SH3GL2: variants seen among roughly 807,000 people sequenced by gnomAD.
The protein encoded by SH3GL2 is endophilin-A1.
A neutral mutation model predicts 46.0 loss-of-function variants in SH3GL2; 24 were observed. That is an observed-to-expected ratio of 0.52 (90% CI 0.38 to 0.73). The LOEUF (loss-of-function observed/expected upper bound fraction) is 0.73. SH3GL2 is among the 30% of genes least tolerant of loss of function. SH3GL2 has a pLI of 0.00. For synonymous variants in SH3GL2, 196 were observed against 147.1 expected (o/e 1.33, Z -2.40); for missense variants, 413 against 424.2 (o/e 0.97, Z 0.23).
At chr9:17,742,200 G>A (rs1320188944) in intron 1 of SH3GL2, among the ~76,000 whole-genome samples, 1 of 152,112 alleles carries the variant, frequency 6.6e-6, no homozygotes, top group Non-Finnish European at 1.5e-5. Context: ...ACAGTGGTTG[G>A]CTCTTAAGCA....
chr9:17,595,470 G>T (rs185407987), intron 1 of SH3GL2, among the ~76,000 whole-genome samples: 1 of 152,266 alleles, frequency 6.6e-6, no homozygotes. Flanking sequence ...ATGGATCCCC[G>T]TTTATGGTGG....
At chr9:17,776,133 C>G (rs1823635260) in intron 3 of SH3GL2, among the ~76,000 whole-genome samples, 2 of 152,132 alleles carry the variant, frequency 1.3e-5, no homozygotes, top group South Asian at 4.1e-4. Flanking sequence ...AGGGAACACT[C>G]ATTTTCACAC....
At chr9:17,743,481 A>G (rs1165813361) in intron 1 of SH3GL2, among the ~76,000 whole-genome samples, 1 of 151,906 alleles carries the variant, frequency 6.6e-6, no homozygotes, top group Non-Finnish European at 1.5e-5. Context: ...TTTATAGAGA[A>G]GAGGAAAGCT....
intron 1 of SH3GL2, among the ~76,000 whole-genome samples, chr9:17,730,150 G>A (rs1258365772): frequency 6.6e-6 from 1 of 152,124 alleles, no homozygotes; most frequent in African/African-American, 2.4e-5. Context: ...GCAGTGTCAT[G>A]TACTTCTCTT....
chr9:17,664,018 G>A (rs1434930698), intron 1 of SH3GL2, among the ~76,000 whole-genome samples: 4 of 152,060 alleles, frequency 2.6e-5, no homozygotes, highest in African/African-American at 9.7e-5. Context: ...ATACTGAAAC[G>A]TAAAAATGTG....
chr9:17,673,083 C>T (rs1276743833), intron 1 of SH3GL2, among the ~76,000 whole-genome samples: 1 of 152,068 alleles, frequency 6.6e-6, no homozygotes, highest in Non-Finnish European at 1.5e-5. Context: ...AATTCTGCTT[C>T]AATAGTCCTC....
intron 1 of SH3GL2, among the ~76,000 whole-genome samples, chr9:17,703,008 C>T (rs933886777): frequency 1.3e-5 from 2 of 151,984 alleles, no homozygotes; most frequent in Non-Finnish European, 2.9e-5. Context: ...CCTTAAAAAT[C>T]GCTTAGGACT....
intron 1 of SH3GL2, among the ~76,000 whole-genome samples, chr9:17,734,711 A>G (rs181768731): frequency 4.6e-5 from 7 of 152,226 alleles, no homozygotes; most frequent in Admixed American, 3.9e-4. Context: ...AACACCACAT[A>G]ATTATATTAT....
At chr9:17,726,160 G>T (rs1404593535) in intron 1 of SH3GL2, among the ~76,000 whole-genome samples, 1 of 152,094 alleles carries the variant, frequency 6.6e-6, no homozygotes, top group Non-Finnish European at 1.5e-5. Context: ...ATAAATGGTG[G>T]TTGCACCAAG....
At chr9:17,579,613 A>C (rs962006306) in intron 1 of SH3GL2, among the ~76,000 whole-genome samples, 2 of 152,250 alleles carry the variant, frequency 1.3e-5, no homozygotes, top group Non-Finnish European at 2.9e-5. Context: ...CGCGGCGCGC[A>C]GGTGCCTTGG....
intron 3 of SH3GL2, among the ~76,000 whole-genome samples, chr9:17,776,432 TC>T (rs1823642339): frequency 6.6e-6 from 1 of 152,046 alleles, no homozygotes; most frequent in South Asian, 2.1e-4. Flanking sequence ...TTTACACTTT[TC>T]CAGAAAAAGA....
chr9:17,583,329 A>C (rs1450584909), intron 1 of SH3GL2, among the ~76,000 whole-genome samples: 1 of 152,144 alleles, frequency 6.6e-6, no homozygotes, highest in Non-Finnish European at 1.5e-5. Context: ...AGTATTAAGA[A>C]ATGGGGCCTT....
chr9:17,702,695 G>A (rs549517524), intron 1 of SH3GL2, among the ~76,000 whole-genome samples: 8 of 152,116 alleles, frequency 5.3e-5, no homozygotes, highest in African/African-American at 1.9e-4. Context: ...TAGGAAATTA[G>A]TGATTCCCTA....
chr9:17,759,838 T>C (rs76865613), intron 2 of SH3GL2, among the ~76,000 whole-genome samples: 2,139 of 152,290 alleles, frequency 0.014, 61 homozygotes, highest in African/African-American at 0.048. Context: ...CTACAGGATA[T>C]TTAGACACAT....
At position 17,669,939 on chromosome 9, in the gene SH3GL2, A is replaced by G. The variant is rs531646180; in HGVS notation, c.46-77127A>G. On this transcript the variant is annotated intron_variant, in intron 1 of 8. Transcript: ENST00000380607. The stretch of plus-strand genomic sequence containing the variant: ...CTCTGCTGCAGAAAGGGGTCCCAGA[A>G]AAAGGGTTGCCATCCTGTAGTGAAA... Among the ~76,000 whole-genome samples, 7 of 152,268 alleles carry G rather than the reference A, an allele frequency of 4.6e-5. No individual in the cohort carries two copies. In the South Asian group the frequency reaches 1.5e-3, roughly 32 times the overall value.
At chr9:17,592,401 A>G (rs1214290370) in intron 1 of SH3GL2, among the ~76,000 whole-genome samples, 1 of 152,204 alleles carries the variant, frequency 6.6e-6, no homozygotes, top group African/African-American at 2.4e-5. Context: ...AGTTAAGTTG[A>G]CACATAAAAT....
intron 1 of SH3GL2, among the ~76,000 whole-genome samples, chr9:17,608,166 G>C (rs1462047444): frequency 4.9e-5 from 1 of 20,344 alleles, no homozygotes; most frequent in East Asian, 1.2e-3. Flanking sequence ...TTTTTTTTTT[G>C]AGATGGAGTC....
At chr9:17,749,198 A>G (rs1588299041) in intron 2 of SH3GL2, among the ~76,000 whole-genome samples, 1 of 152,180 alleles carries the variant, frequency 6.6e-6, no homozygotes, top group African/African-American at 2.4e-5. Context: ...TCTAAATACC[A>G]CCTGATCCTC....
chr9:17,770,301 G>A (rs926449083), intron 3 of SH3GL2, among the ~76,000 whole-genome samples: 26 of 152,212 alleles, frequency 1.7e-4, no homozygotes, highest in Non-Finnish European at 3.4e-4. Flanking sequence ...GCTGCAAGGT[G>A]ATTAGCAATT....
Sources: allele counts gnomAD v4.1 joint callset (sites outside exome capture counted in the v4.1 genomes callset), GRCh38; gene constraint gnomAD v4.1.1; transcripts MANE v1.5; gene names NCBI Gene and HGNC (gene_info 2026-07-23, HGNC 2026-07-21).